The following BRF1 variants were observed in gnomAD, a reference collection of about 807,000 sequenced individuals.
The protein encoded by BRF1 is BRF1 general transcription factor IIIB subunit.
In BRF1, 59 loss-of-function variants were observed where a neutral mutation model predicts 81.7. The observed-to-expected ratio is 0.72, with a 90% CI of 0.59 to 0.90. The LOEUF (loss-of-function observed/expected upper bound fraction) is 0.90, where lower values mean the gene tolerates loss of function less well. BRF1 is among the 40% of genes least tolerant of loss of function. The probability of loss-of-function intolerance (pLI) is 0.00; values close to 1 mark genes in which losing one functional copy is unlikely to be tolerated. For synonymous variants in BRF1, 491 were observed against 395.6 expected (o/e 1.24, Z -2.86); for missense variants, 1,050 against 936.3 (o/e 1.12, Z -1.58).
At chr14:105,247,731 CGT>C (rs1446452260) in intron 5 of BRF1, 7 of 985,370 alleles carry the variant, frequency 7.1e-6, no homozygotes, top group Non-Finnish European at 8.4e-6. Flanking sequence ...CAGGAGGTTG[CGT>C]GTGTGTCCTC....
intron 5 of BRF1, chr14:105,248,990 A>C (rs2816604): frequency 0.31 from 303,879 of 993,926 alleles, 47,407 homozygotes; most frequent in African/African-American, 0.45. Flanking sequence ...CCCCCGCGCC[A>C]GCGCCGCCGC....
Position 105,252,525 on chromosome 14 carries a change from T to G in BRF1, c.526A>C (p.Ile176Leu), listed in dbSNP as rs2055670244. 1 of 1,613,778 alleles carries G rather than the reference T, an allele frequency of 6.2e-7. No individual in the cohort carries two copies. Among genetic ancestry groups the G allele is most frequent in the Non-Finnish European group, 8.5e-7 (1 of 1,179,994 alleles). Residue 176 changes from isoleucine to leucine, a missense_variant, in exon 5 of 18, where the codon ATC becomes CTC. Transcript: ENST00000547530. The stretch of plus-strand genomic sequence containing the variant: ...TGCCTACCTATGGCCGGCGCATTGA[T>G]GCAGAGCTCTCTTGCCAAGAGAAGA... ...TFLLLARELC[I>L]NAPAIDPCLY...
At chr14:105,294,663 G>C (rs2057662455) in intron 1 of BRF1, among the ~76,000 whole-genome samples, 1 of 152,148 alleles carries the variant, frequency 6.6e-6, no homozygotes, top group African/African-American at 2.4e-5. Flanking sequence ...GCCCAAGCCA[G>C]TTCTTAGAAA....
At position 105,228,955 on chromosome 14, in the gene BRF1, A is replaced by G. The variant is rs376520169; in HGVS notation, c.695-42T>C. On this transcript the variant is annotated intron_variant, in intron 6 of 17. Coordinates refer to ENST00000547530, the MANE Select transcript of BRF1 (RefSeq NM_001519.4). ...CGGGCCTCGTCAACCACGGCTGGGA[A>G]CCAGGGCAACATCTGTGGCGGCCCA... 1.6e-5 allele frequency: 26 copies of G among 1,583,830 alleles called. No homozygotes were observed. The African/African-American group carries it at 3.5e-4, about 21-fold the overall frequency.
chr14:105,229,194 C>T (rs753151263), intron 6 of BRF1, among the ~76,000 whole-genome samples: 2 of 152,216 alleles, frequency 1.3e-5, no homozygotes, highest in Non-Finnish European at 2.9e-5. Flanking sequence ...AGCAAACAAA[C>T]TAACTCTAAG....
chr14:105,248,518 G>C (rs771660280), intron 5 of BRF1: 4 of 977,828 alleles, frequency 4.1e-6, no homozygotes, highest in Admixed American at 6.3e-5. Flanking sequence ...ACGTCGCGCG[G>C]GGCGCGGCCC....
At chr14:105,249,933 C>T (rs1170100270) in intron 5 of BRF1, 1 of 1,611,520 alleles carries the variant, frequency 6.2e-7, no homozygotes, top group Non-Finnish European at 8.5e-7. Context: ...ACTCGGGAGG[C>T]CCTCAACACC....
upstream of BRF1, among the ~76,000 whole-genome samples, chr14:105,303,388 T>G (rs902241607): frequency 8.5e-5 from 13 of 152,056 alleles, no homozygotes; most frequent in Non-Finnish European, 1.6e-4. Flanking sequence ...GGACTACAGG[T>G]GCCCACCACC....
At chr14:105,256,835 G>T (rs1044835020) in intron 3 of BRF1, among the ~76,000 whole-genome samples, 1 of 152,146 alleles carries the variant, frequency 6.6e-6, no homozygotes, top group Non-Finnish European at 1.5e-5. Context: ...AACCAGAAAC[G>T]GTGGGGGCTT....
intron 3 of BRF1, among the ~76,000 whole-genome samples, chr14:105,270,405 G>T (rs1400202384): frequency 6.6e-6 from 1 of 151,854 alleles, no homozygotes; most frequent in South Asian, 2.1e-4. Context: ...TCGATCTCCT[G>T]ACCTCGTGAT....
chr14:105,245,069 C>T (rs1453812374), intron 5 of BRF1, among the ~76,000 whole-genome samples: 2 of 152,104 alleles, frequency 1.3e-5, no homozygotes. Flanking sequence ...GTATTTAAGG[C>T]AGCAATGGGT....
chr14:105,219,649 G>A, intron 12 of BRF1: 2 of 399,100 alleles, frequency 5.0e-6, no homozygotes, highest in Admixed American at 4.0e-5. Context: ...GCCTGACAGA[G>A]GGCAAGTATA....
Position 105,210,283 on chromosome 14 carries a change from T to A in BRF1, c.*268A>T. The A allele has an allele frequency of 2.0e-6, 1 of 496,564 alleles. No homozygotes were observed. The highest frequency in any genetic ancestry group is 3.7e-6 in the Non-Finnish European group (1 of 272,304). 30.8% of individuals were successfully genotyped at this position (496,564 alleles called of 1,614,324 possible). On this transcript the variant is annotated 3_prime_UTR_variant, in exon 18 of 18. Transcript: ENST00000547530. This position sits in a 1 kb window ranked among gnomAD's most constrained non-coding sequence, Gnocchi z 4.7. Reference sequence around the variant, plus strand: ...CAGCCTTGGAGGGTCCTTGGATGAGTCGACGGCAGGCAGCGGGACCCAGCC... The same window carrying A: ...CAGCCTTGGAGGGTCCTTGGATGAGACGACGGCAGGCAGCGGGACCCAGCC...
Position 105,226,264 on chromosome 14 carries a change from C to T in BRF1, c.942G>A (p.Leu314=). The change falls in exon 9 of 18, where the codon CTG becomes CTA. Residue 314 remains leucine, a synonymous_variant. Coordinates refer to ENST00000547530, the MANE Select transcript of BRF1 (RefSeq NM_001519.4). ...KQLEQVLSKK[L]EEVEGEISSY... ...TTGGTTGGTTACCTTCAACCTCCTC[C>T]AGTTTTTTTGACAGGACTTGTTCAA... 6.2e-7 allele frequency: 1 copy of T among 1,614,104 alleles called. No homozygotes were observed. Among genetic ancestry groups the T allele is most frequent in the Non-Finnish European group, 8.5e-7 (1 of 1,180,038 alleles).
intron 1 of BRF1, among the ~76,000 whole-genome samples, chr14:105,313,580 A>G (rs1293110509): frequency 6.6e-6 from 1 of 152,256 alleles, no homozygotes; most frequent in Admixed American, 6.5e-5. Context: ...CAACGGAGGA[A>G]GCAGCGGCAT....
intron 5 of BRF1, chr14:105,250,256 A>G (rs1262807518): frequency 1.2e-6 from 2 of 1,612,970 alleles, no homozygotes; most frequent in Non-Finnish European, 8.5e-7. Flanking sequence ...TGCCTACCGC[A>G]GCAACCAGTG....
chr14:105,224,001 C>T (rs1036738209), intron 10 of BRF1, among the ~76,000 whole-genome samples: 15 of 152,314 alleles, frequency 9.8e-5, no homozygotes, highest in Non-Finnish European at 1.6e-4. Context: ...CACGAATGAA[C>T]GTTACTATTG....
Position 105,221,861 on chromosome 14 carries a change from C to T in BRF1, c.1102G>A (p.Glu368Lys), listed in dbSNP as rs56397863. The T allele has an allele frequency of 1.3e-5, 21 of 1,603,660 alleles. No individual in the cohort carries two copies. Among genetic ancestry groups the T allele is most frequent in the Non-Finnish European group, 1.6e-5 (19 of 1,175,776 alleles). Residue 368 changes from glutamate (E) to lysine (K), a missense_variant, in exon 11 of 18, where the codon GAG becomes AAG. By Grantham distance (56) the Glu-to-Lys change is moderately conservative (BLOSUM62 1). Transcript: ENST00000547530. Reference sequence around the variant, plus strand: ...TGGCTGGCCGCGGCTTCCAGCTCCTCGTCCTCTGTGTCCTCCTCGCCACAC... The same window carrying T: ...TGGCTGGCCGCGGCTTCCAGCTCCTTGTCCTCTGTGTCCTCCTCGCCACAC... ...SLCGEEDTED[E>K]ELEAAASHLN...
intron 10 of BRF1, among the ~76,000 whole-genome samples, chr14:105,224,119 C>G (rs1024554176): frequency 6.6e-6 from 1 of 152,198 alleles, no homozygotes; most frequent in Non-Finnish European, 1.5e-5. Context: ...CCTGTAATCC[C>G]GCACTTTGGC....
Sources: gnomAD v4.1 joint callset for allele counts (sites outside exome capture counted in the v4.1 genomes callset) on GRCh38, gnomAD v4.1.1 for gene constraint, Gnocchi (gnomAD v3.1) non-coding constraint, MANE v1.5 for transcripts, NCBI Gene and HGNC (gene_info 2026-07-23, HGNC 2026-07-21) for gene names.